The following UBE2V2 variants were observed in gnomAD, a reference collection of about 807,000 sequenced individuals.
UBE2V2 encodes ubiquitin-conjugating enzyme E2 variant 2.
Under a neutral mutation model 17.2 loss-of-function variants are expected in UBE2V2, and 9 were observed. The ratio of observed to expected loss-of-function variants is 0.52; its 90% CI spans 0.32 to 0.91. UBE2V2 has a LOEUF of 0.91. UBE2V2 is among the 40% of genes least tolerant of loss of function. The pLI, the probability that UBE2V2 is intolerant of heterozygous loss-of-function variation, is 0.04. For synonymous variants in UBE2V2, 61 were observed against 57.5 expected, an observed-to-expected ratio of 1.06 and a Z score of -0.28; for missense variants, 133 against 182.6, an observed-to-expected ratio of 0.73 and a Z score of 1.56.
At chr8:48,028,201 A>G (rs1218608337) in intron 1 of UBE2V2, among the ~76,000 whole-genome samples, 1 of 151,072 alleles carries the variant, frequency 6.6e-6, no homozygotes, top group Non-Finnish European at 1.5e-5. Flanking sequence ...GGAGTCTTGC[A>G]TTGTCATCCA....
chr8:48,043,242 T>G, intron 2 of UBE2V2, 61 bp downstream of exon 2: 1 of 1,233,136 alleles, frequency 8.1e-7, no homozygotes, highest in Non-Finnish European at 1.1e-6. Context: ...GCATTTAATT[T>G]TATACTATTG....
intron 1 of UBE2V2, among the ~76,000 whole-genome samples, chr8:48,013,361 G>A (rs1000187444): frequency 6.7e-6 from 1 of 150,152 alleles, no homozygotes; most frequent in Admixed American, 6.7e-5. Context: ...AGGCTGGAGT[G>A]CAGTGGCGTG....
rs531702119 is a variant in UBE2V2 at position 48,064,603 on chromosome 8, A to G, written c.*3775A>G. The G allele has an allele frequency of 2.7e-4, 41 of 152,278 alleles. No homozygotes were observed. Among genetic ancestry groups the G allele is most frequent in the African/African-American group, 7.7e-4 (32 of 41,564 alleles). The allele number at this position is 152,278 out of a possible 1,614,324, so 9.4% of individuals were successfully genotyped here. On this transcript the variant is annotated 3_prime_UTR_variant, in exon 4 of 4. Coordinates refer to ENST00000523111, the MANE Select transcript of UBE2V2 (RefSeq NM_003350.3). ...GGAGTGTTGAAAATAAAGATACACAATAAGTATTTTCTGAAGAGAAAATTA... is the reference window on the plus strand; with the variant it reads ...GGAGTGTTGAAAATAAAGATACACAGTAAGTATTTTCTGAAGAGAAAATTA...
chr8:48,049,141 A>G (rs1388701129), intron 2 of UBE2V2, among the ~76,000 whole-genome samples: 1 of 152,222 alleles, frequency 6.6e-6, no homozygotes, highest in African/African-American at 2.4e-5. Flanking sequence ...ATGTGTAAAC[A>G]TAAAGTTTGC....
At chr8:48,030,050 G>C (rs931631273) in intron 1 of UBE2V2, among the ~76,000 whole-genome samples, 1 of 152,190 alleles carries the variant, frequency 6.6e-6, no homozygotes, top group Non-Finnish European at 1.5e-5. Context: ...TCCCTTGATA[G>C]TTCTGCAATA....
chr8:48,027,856 C>T (rs1417262732), intron 1 of UBE2V2, among the ~76,000 whole-genome samples: 1 of 151,930 alleles, frequency 6.6e-6, no homozygotes, highest in Non-Finnish European at 1.5e-5. Context: ...ATTCTTTATT[C>T]ATTTTTTTTT....
intron 1 of UBE2V2, among the ~76,000 whole-genome samples, chr8:48,038,001 T>A (rs895289683): frequency 2.0e-5 from 3 of 152,192 alleles, no homozygotes; most frequent in African/African-American, 2.4e-5. Flanking sequence ...TCTGACTCTT[T>A]GCTCTCATAC....
intron 1 of UBE2V2, among the ~76,000 whole-genome samples, chr8:48,014,589 G>T (rs1424655584): frequency 1.4e-5 from 2 of 147,770 alleles, no homozygotes; most frequent in Non-Finnish European, 3.0e-5. Flanking sequence ...AGCTTGCAGT[G>T]AGCTGAGATT....
chr8:48,023,506 A>C (rs2091319247), intron 1 of UBE2V2, among the ~76,000 whole-genome samples: 1 of 151,944 alleles, frequency 6.6e-6, no homozygotes, highest in Non-Finnish European at 1.5e-5. Context: ...GTGAGCCACC[A>C]TGCCCAGCCT....
At chr8:48,029,573 T>A (rs1190705023) in intron 1 of UBE2V2, among the ~76,000 whole-genome samples, 1 of 152,286 alleles carries the variant, frequency 6.6e-6, no homozygotes, top group African/African-American at 2.4e-5. Context: ...TCTTTGGAAG[T>A]AGTATAATTA....
intron 2 of UBE2V2, among the ~76,000 whole-genome samples, chr8:48,046,361 A>G (rs1051761683): frequency 2.0e-5 from 3 of 150,616 alleles, no homozygotes; most frequent in African/African-American, 7.3e-5. Flanking sequence ...CTTGTGATCC[A>G]CCCGCCTCGG....
At chr8:48,017,882 T>C (rs937001431) in intron 1 of UBE2V2, among the ~76,000 whole-genome samples, 3 of 148,466 alleles carry the variant, frequency 2.0e-5, no homozygotes, top group African/African-American at 5.0e-5. Context: ...AGTCTCAACC[T>C]GTCACCCAGG....
intron 3 of UBE2V2, among the ~76,000 whole-genome samples, chr8:48,058,750 A>AT (rs1462817002): frequency 6.6e-6 from 1 of 151,896 alleles, no homozygotes; most frequent in African/African-American, 2.4e-5. Context: ...TTTATTGAGT[A>AT]TTTATATCAT....
chr8:48,035,761 A>G (rs1229128573), intron 1 of UBE2V2, among the ~76,000 whole-genome samples: 5 of 136,212 alleles, frequency 3.7e-5, no homozygotes, highest in Non-Finnish European at 7.7e-5. Context: ...TTACAGGTAC[A>G]TGCCACTATG....
chr8:48,004,625 G>A (rs2091172096), upstream of UBE2V2, among the ~76,000 whole-genome samples: 2 of 150,010 alleles, frequency 1.3e-5, no homozygotes, highest in Non-Finnish European at 3.0e-5. Flanking sequence ...TCCGCCTCTT[G>A]GGTTCAAGCA....
chr8:48,000,690 C>T, the UBE2V2 span, among the ~76,000 whole-genome samples: 1 of 151,806 alleles, frequency 6.6e-6, no homozygotes, highest in Non-Finnish European at 1.5e-5. Flanking sequence ...GGTATGGAGG[C>T]GGGCACCTGT....
intron 1 of UBE2V2, among the ~76,000 whole-genome samples, chr8:48,033,747 C>T (rs541005728): frequency 1.3e-5 from 2 of 151,910 alleles, no homozygotes; most frequent in Non-Finnish European, 2.9e-5. Flanking sequence ...CACTTGAGCC[C>T]AGGAGTTCGA....
chr8:48,049,691 C>T, intron 2 of UBE2V2, 162 bp from the exon 3 acceptor site: 1 of 560,186 alleles, frequency 1.8e-6, no homozygotes. Flanking sequence ...TTTTTCTCAC[C>T]ATATAGGTGA....
At chr8:48,055,781 T>C (rs78076692) in intron 3 of UBE2V2, among the ~76,000 whole-genome samples, 1 of 151,320 alleles carries the variant, frequency 6.6e-6, no homozygotes, top group Non-Finnish European at 1.5e-5. Context: ...TTTTTTTTTT[T>C]TGAGGCAGAG....
Sources: gnomAD v4.1 joint callset for allele counts (sites outside exome capture counted in the v4.1 genomes callset) on GRCh38, gnomAD v4.1.1 for gene constraint, MANE v1.5 for transcripts, NCBI Gene and HGNC (gene_info 2026-07-23, HGNC 2026-07-21) for gene names.